SYCE3: variants seen among roughly 807,000 people sequenced by gnomAD.
SYCE3 encodes the protein testis highly expressed gene 2 protein.
A neutral mutation model predicts 8.1 loss-of-function variants in SYCE3; 3 were observed. The ratio of observed to expected loss-of-function variants is 0.37; its 90% CI spans 0.17 to 0.96. The LOEUF is 0.96. Ranked by LOEUF, SYCE3 falls within the 40% of genes least tolerant of loss-of-function variation. The probability of loss-of-function intolerance (pLI) is 0.41; values close to 1 mark genes in which losing one functional copy is unlikely to be tolerated. For synonymous variants in SYCE3, 36 were observed against 38.7 expected, an observed-to-expected ratio of 0.93 and a Z score of 0.26; for missense variants, 83 against 110.0, an observed-to-expected ratio of 0.75 and a Z score of 1.10.
chr22:50,552,572 C>T (rs927058667), intron 2 of SYCE3, among the ~76,000 whole-genome samples: 2 of 152,090 alleles, frequency 1.3e-5, no homozygotes, highest in Non-Finnish European at 2.9e-5. Context: ...GCAGGAGAAT[C>T]GCTTGAACCC....
intron 2 of SYCE3, among the ~76,000 whole-genome samples, chr22:50,554,088 G>A (rs1185569275): frequency 2.6e-5 from 4 of 151,680 alleles, no homozygotes; most frequent in African/African-American, 7.3e-5. Context: ...CCAGCTACTC[G>A]GGAGGCTGAG....
intron 2 of SYCE3, among the ~76,000 whole-genome samples, chr22:50,552,276 G>A (rs1177027485): frequency 6.6e-6 from 1 of 152,210 alleles, no homozygotes; most frequent in African/African-American, 2.4e-5. Context: ...GACAGCAGGT[G>A]CAGCAGGGAC....
At chr22:50,552,806 G>A (rs1362039315) in intron 2 of SYCE3, among the ~76,000 whole-genome samples, 3 of 152,144 alleles carry the variant, frequency 2.0e-5, no homozygotes, top group Non-Finnish European at 2.9e-5. Flanking sequence ...GGTCCTAAGG[G>A]TAGACCCTCC....
rs775437569 is a variant in SYCE3 at position 50,551,351 on chromosome 22, G to A, written c.161C>T (p.Thr54Met). 28 of 1,551,018 alleles carry A rather than the reference G, an allele frequency of 1.8e-5. No homozygotes were observed. In the African/African-American group the frequency reaches 3.0e-4, roughly 17 times the overall value. The change falls in exon 3 of 3, where the codon ACG (threonine) becomes ATG (methionine). Residue 54 changes from threonine (T) to methionine (M), a missense_variant. By Grantham distance (81) the Thr-to-Met change is moderately conservative. Coordinates refer to ENST00000406915, the MANE Select transcript of SYCE3 (RefSeq NM_001123225.3). ...YDMVVMRTNP[T>M]LAESMRRLED... is the part of the protein sequence containing the mutation. The stretch of plus-strand genomic sequence containing the variant: ...CAGCCGACGCATGGACTCGGCCAGC[G>A]TAGGGTTGGTGCGCATCACCACCAT...
chr22:50,553,334 T>C (rs568499004), intron 2 of SYCE3, among the ~76,000 whole-genome samples: 3 of 152,316 alleles, frequency 2.0e-5, no homozygotes, highest in East Asian at 3.9e-4. Flanking sequence ...GAGGACCAGA[T>C]TGTAACTTTT....
chr22:50,555,464 G>C (rs1467628342), intron 2 of SYCE3, among the ~76,000 whole-genome samples: 8 of 152,186 alleles, frequency 5.3e-5, no homozygotes, highest in Non-Finnish European at 1.0e-4. Flanking sequence ...AGGAGAAATT[G>C]GGTATGCCTC....
chr22:50,554,692 T>A lies in SYCE3; in HGVS notation c.109+1605A>T, dbSNP rs544413996. On this transcript the variant is annotated intron_variant, in intron 2 of 2. Coordinates refer to ENST00000406915, the MANE Select transcript of SYCE3 (RefSeq NM_001123225.3). Reference sequence around the variant, plus strand: ...CTGGACGACAGAGCAAGACTCCGTCTCAAAAAAAAAAAAAAAAAAAGGCCA... The same window carrying A: ...CTGGACGACAGAGCAAGACTCCGTCACAAAAAAAAAAAAAAAAAAAGGCCA... Among the ~76,000 whole-genome samples, 99 of 38,736 alleles carry A rather than the reference T, an allele frequency of 2.6e-3. No individual in the cohort carries two copies. In the Middle Eastern group the frequency reaches 0.058, roughly 23 times the overall value. The allele number at this position is 38,736 out of a possible 152,430, so 25.4% of individuals were successfully genotyped here. A position where few individuals can be genotyped will look rare whatever the true frequency, so the allele number is the denominator to read the frequency against.
chr22:50,555,298 A>G (rs1266960810), intron 2 of SYCE3, among the ~76,000 whole-genome samples: 1 of 152,138 alleles, frequency 6.6e-6, no homozygotes, highest in Non-Finnish European at 1.5e-5. Flanking sequence ...ATAGGCAAAA[A>G]ATTGCAAACA....
chr22:50,560,307 C>G, intron 1 of SYCE3, among the ~76,000 whole-genome samples: 1 of 151,990 alleles, frequency 6.6e-6, no homozygotes, highest in East Asian at 1.9e-4. Flanking sequence ...CAGACCAGCC[C>G]GGGCAACAGT....
At chr22:50,556,220 A>G in intron 2 of SYCE3, 77 bp downstream of exon 2, 1 of 1,030,174 alleles carries the variant, frequency 9.7e-7, no homozygotes. Context: ...TCACAGGTGC[A>G]TCTTTAACCT....
chr22:50,552,435 G>A (rs142804638), intron 2 of SYCE3, among the ~76,000 whole-genome samples: 64 of 151,938 alleles, frequency 4.2e-4, no homozygotes, highest in African/African-American at 1.2e-3. Flanking sequence ...GGTAGATCAC[G>A]AGATCAAGAG....
At position 50,551,153 on chromosome 22, in the gene SYCE3, T is replaced by C; in HGVS notation, c.*92A>G. ...TTTATTAAGAAACAAGTACAGTGCA[T>C]ACAGCTATTCATGTGGGTGCCAGCT... On this transcript the variant is annotated 3_prime_UTR_variant, in exon 3 of 3. Coordinates refer to ENST00000406915, the MANE Select transcript of SYCE3 (RefSeq NM_001123225.3). 2.0e-6 allele frequency: 3 copies of C among 1,466,600 alleles called. No homozygotes were observed. Among genetic ancestry groups the C allele is most frequent in the Non-Finnish European group, 2.8e-6 (3 of 1,083,740 alleles). The allele number at this position is 1,466,600 out of a possible 1,614,324, so 90.8% of individuals were successfully genotyped here.
chr22:50,556,319 T>C lies in SYCE3; in HGVS notation c.87A>G (p.Leu29=). 1 of 1,551,882 alleles carries C rather than the reference T, an allele frequency of 6.4e-7. No individual in the cohort carries two copies. The highest frequency in any genetic ancestry group is 8.7e-7 in the Non-Finnish European group (1 of 1,146,914). The part of the protein sequence containing the change: ...SDLNKDLEKL[L]EEMEKISVQA... The stretch of plus-strand genomic sequence containing the variant: ...TACCTGAGATTTTCTCCATCTCTTC[T>C]AATAGCTTTTCCAAGTCCTTATTCA... The change falls in exon 2 of 3, where the codon TTA becomes TTG. Residue 29 remains leucine (L), a synonymous_variant. Coordinates refer to ENST00000406915, the MANE Select transcript of SYCE3 (RefSeq NM_001123225.3).
At chr22:50,556,441 G>C in intron 1 of SYCE3, 36 bp from the exon 2 acceptor site, 2 of 1,426,710 alleles carry the variant, frequency 1.4e-6, no homozygotes, top group East Asian at 5.0e-5. Flanking sequence ...CAGTCAGACA[G>C]ACCTACATTT....
intron 1 of SYCE3, among the ~76,000 whole-genome samples, chr22:50,560,356 G>A (rs991828115): frequency 1.3e-5 from 2 of 152,082 alleles, no homozygotes; most frequent in African/African-American, 4.8e-5. Context: ...GTGTGGTGGT[G>A]CGCACCTCCA....
intron 2 of SYCE3, among the ~76,000 whole-genome samples, chr22:50,555,853 G>A (rs1171658179): frequency 6.7e-6 from 1 of 149,300 alleles, no homozygotes; most frequent in East Asian, 2.0e-4. Flanking sequence ...GAGTGCAGTG[G>A]CACCATCTCG....
chr22:50,552,748 A>G lies in SYCE3; in HGVS notation c.110-1346T>C, dbSNP rs543146656. 4.6e-5 allele frequency among the ~76,000 whole-genome samples: 7 copies of G among 152,022 alleles called. No homozygotes were observed. The East Asian group carries it at 1.4e-3, about 29-fold the overall frequency. On this transcript the variant is annotated intron_variant, in intron 2 of 2. Coordinates refer to ENST00000406915, the MANE Select transcript of SYCE3 (RefSeq NM_001123225.3). Reference sequence around the variant, plus strand: ...CCCACATTCACCTGTTGAAATCCTAACCCCCGACGTGATGGTATTAGGAGG... The same window carrying G: ...CCCACATTCACCTGTTGAAATCCTAGCCCCCGACGTGATGGTATTAGGAGG...
Position 50,556,298 on chromosome 22 carries a change from T to A in SYCE3, c.108A>T (p.Ser36=), listed in dbSNP as rs755330602. 2.6e-6 allele frequency: 4 copies of A among 1,548,298 alleles called. No individual in the cohort carries two copies. The East Asian group carries it at 9.8e-5, about 38-fold the overall frequency. Residue 36 remains serine, a splice_region_variant and synonymous_variant, in exon 2 of 3, where the codon TCA becomes TCT. Transcript: ENST00000406915. ...TACTTTTGGGTTCACACATCCTACC[T>A]GAGATTTTCTCCATCTCTTCTAATA... is the stretch of plus-strand genomic sequence containing the variant. ...EKLLEEMEKI[S]VQATWMAYDM... is the part of the protein sequence containing the mutation.
intron 2 of SYCE3, 25 bp downstream of exon 2, chr22:50,556,272 A>G: frequency 6.7e-7 from 1 of 1,486,340 alleles, no homozygotes; most frequent in South Asian, 1.2e-5. Context: ...CCTGTCTCAG[A>G]TACTTTTGGG....
Sources: allele counts gnomAD v4.1 joint callset (sites outside exome capture counted in the v4.1 genomes callset), GRCh38; gene constraint gnomAD v4.1.1; transcripts MANE v1.5; gene names NCBI Gene and HGNC (gene_info 2026-07-23, HGNC 2026-07-21).